The following ANK3 variants were observed in gnomAD, a reference collection of about 807,000 sequenced individuals.
The protein encoded by ANK3 is ankyrin-3.
Under a neutral mutation model 370.9 loss-of-function variants are expected in ANK3, and 57 were observed. That is an observed-to-expected ratio of 0.15 (90% CI 0.12 to 0.19). The LOEUF (loss-of-function observed/expected upper bound fraction) is 0.19, where lower values mean the gene tolerates loss of function less well. ANK3 is among the 10% of genes least tolerant of loss of function. The probability of loss-of-function intolerance (pLI) is 1.00; values close to 1 mark genes in which losing one functional copy is unlikely to be tolerated. For synonymous variants in ANK3, 1,929 were observed against 1,946.3 expected (o/e 0.99, Z 0.23); for missense variants, 4,439 against 5,302.1 (o/e 0.84, Z 5.06).
chr10:60,677,247 T>C (rs995720430), intron 1 of ANK3, among the ~76,000 whole-genome samples: 1 of 152,208 alleles, frequency 6.6e-6, no homozygotes, highest in African/African-American at 2.4e-5. Context: ...TTCAAAGAAC[T>C]GAATGACCAC....
intron 1 of ANK3, among the ~76,000 whole-genome samples, chr10:60,327,072 C>T (rs1385663572): frequency 1.3e-5 from 2 of 151,708 alleles, no homozygotes; most frequent in Non-Finnish European, 2.9e-5. Context: ...CAAGTCAGAT[C>T]TTTATTTTTA....
chr10:60,148,360 G>T (rs906796124), intron 23 of ANK3, among the ~76,000 whole-genome samples: 1 of 151,886 alleles, frequency 6.6e-6, no homozygotes, highest in Non-Finnish European at 1.5e-5. Context: ...ATTTTTCATT[G>T]CTCCACCTGG....
intron 38 of ANK3, among the ~76,000 whole-genome samples, chr10:60,064,744 T>A (rs1410578571): frequency 6.6e-6 from 1 of 152,148 alleles, no homozygotes. Flanking sequence ...CACATGCCTG[T>A]GGTCCCAGCT....
At chr10:60,152,584 A>C (rs1014743957) in intron 23 of ANK3, among the ~76,000 whole-genome samples, 1 of 152,210 alleles carries the variant, frequency 6.6e-6, no homozygotes, top group Non-Finnish European at 1.5e-5. Context: ...ATTACTCTAA[A>C]TGCAATATAA....
chr10:60,359,673 A>G (rs2058310344), intron 1 of ANK3, among the ~76,000 whole-genome samples: 1 of 152,162 alleles, frequency 6.6e-6, no homozygotes, highest in East Asian at 1.9e-4. Context: ...GTGGTGGCTC[A>G]TGCCTGTAAT....
At chr10:60,361,777 C>T (rs915306982) in intron 1 of ANK3, among the ~76,000 whole-genome samples, 20 of 152,046 alleles carry the variant, frequency 1.3e-4, no homozygotes, top group African/African-American at 3.6e-4. Flanking sequence ...AGAGAAAGGT[C>T]GTTAATCCAG....
chr10:60,080,899 G>A (rs2085046691), intron 35 of ANK3, among the ~76,000 whole-genome samples: 1 of 152,136 alleles, frequency 6.6e-6, no homozygotes, highest in South Asian at 2.1e-4. Context: ...TCCTGGAACT[G>A]TTCATATTGA....
chr10:60,130,732 G>C (rs943782869), intron 25 of ANK3, among the ~76,000 whole-genome samples: 1 of 152,130 alleles, frequency 6.6e-6, no homozygotes, highest in African/African-American at 2.4e-5. Flanking sequence ...ACTTCTGTCT[G>C]CCAGCTTCTT....
At chr10:60,569,534 A>T (rs1456414138) in intron 2 of ANK3, among the ~76,000 whole-genome samples, 7 of 152,218 alleles carry the variant, frequency 4.6e-5, no homozygotes, top group African/African-American at 7.2e-5. Flanking sequence ...CCCTCTTCAC[A>T]TTCCAGAACA....
intron 42 of ANK3, among the ~76,000 whole-genome samples, chr10:60,054,805 T>C (rs1049201698): frequency 6.6e-6 from 1 of 152,182 alleles, no homozygotes; most frequent in South Asian, 2.1e-4. Context: ...CTACTATTAA[T>C]CTCTGTCTAT....
intron 1 of ANK3, among the ~76,000 whole-genome samples, chr10:60,282,866 G>C (rs2098185524): frequency 6.6e-6 from 1 of 152,118 alleles, no homozygotes; most frequent in Non-Finnish European, 1.5e-5. Flanking sequence ...AGCAAGAAGA[G>C]GCGAATGAAG....
intron 2 of ANK3, among the ~76,000 whole-genome samples, chr10:60,578,142 G>T (rs944746988): frequency 2.6e-5 from 4 of 152,114 alleles, no homozygotes; most frequent in Non-Finnish European, 5.9e-5. Flanking sequence ...TTCCTGTTTT[G>T]TTCCGAGTTT....
chr10:60,521,426 G>C (rs1218709439), intron 2 of ANK3, among the ~76,000 whole-genome samples: 1 of 152,032 alleles, frequency 6.6e-6, no homozygotes, highest in African/African-American at 2.4e-5. Context: ...TGATCAGACT[G>C]GGGAAAAAGC....
At chr10:60,121,497 G>T (rs1194379994) in intron 25 of ANK3, among the ~76,000 whole-genome samples, 1 of 151,836 alleles carries the variant, frequency 6.6e-6, no homozygotes, top group East Asian at 1.9e-4. Flanking sequence ...TTTAAGACCA[G>T]CCTGGGCAAC....
intron 25 of ANK3, among the ~76,000 whole-genome samples, chr10:60,122,853 C>T (rs1452692203): frequency 6.6e-6 from 1 of 152,230 alleles, no homozygotes; most frequent in African/African-American, 2.4e-5. Context: ...TAGTAATACA[C>T]ATAGGATGCT....
intron 1 of ANK3, among the ~76,000 whole-genome samples, chr10:60,373,040 C>T (rs911085271): frequency 1.3e-5 from 2 of 152,168 alleles, no homozygotes; most frequent in Non-Finnish European, 2.9e-5. Context: ...TGTTTGTCAT[C>T]TCCATCATAT....
rs537051857 is a variant in ANK3, at chr10:60,468,958, GTA to G, written c.96+146226_96+146227del. Among the ~76,000 whole-genome samples, 666 of 78,450 alleles carry G rather than the reference GTA, an allele frequency of 8.5e-3. 20 individuals are homozygous for G. The highest frequency in any genetic ancestry group is 0.032 in the African/African-American group (632 of 19,864). 51.5% of individuals were successfully genotyped at this position (78,450 alleles called of 152,430 possible). On this transcript the variant is annotated intron_variant, in intron 2 of 43. Coordinates refer to the ANK3 transcript ENST00000373827. ...ATATACACACATGTATATATGAGAAGTATATATAGGACCACTATATATATACC... is the reference window on the plus strand; with the variant it reads ...ATATACACACATGTATATATGAGAAGTATATAGGACCACTATATATATACC...
chr10:60,300,456 C>A, intron 1 of ANK3: 1 of 1,285,116 alleles, frequency 7.8e-7, no homozygotes, highest in Non-Finnish European at 1.0e-6. Flanking sequence ...AAGGTTTCCC[C>A]CACTTCCTAG....
intron 2 of ANK3, among the ~76,000 whole-genome samples, chr10:60,571,545 A>G (rs1212207791): frequency 6.6e-6 from 1 of 152,228 alleles, no homozygotes; most frequent in Admixed American, 6.5e-5. Context: ...AAAATATTAT[A>G]TCTGAAGATT....
Sources: gnomAD v4.1 joint callset for allele counts (sites outside exome capture counted in the v4.1 genomes callset) on GRCh38, gnomAD v4.1.1 for gene constraint, MANE v1.5 for transcripts, NCBI Gene and HGNC (gene_info 2026-07-23, HGNC 2026-07-21) for gene names.